ADAMTS19: variants seen among roughly 807,000 people sequenced by gnomAD.
ADAMTS19 encodes the protein ADAM metallopeptidase with thrombospondin type 1 motif 19.
In ADAMTS19, 93 loss-of-function variants were observed where a neutral mutation model predicts 153.3. The ratio of observed to expected loss-of-function variants is 0.61; its 90% CI spans 0.51 to 0.72. The LOEUF (loss-of-function observed/expected upper bound fraction) is 0.72. Ranked by LOEUF, ADAMTS19 falls within the 30% of genes least tolerant of loss-of-function variation. The pLI is 0.00. For synonymous variants in ADAMTS19, 600 were observed against 556.6 expected, an observed-to-expected ratio of 1.08 and a Z score of -1.10; for missense variants, 1,482 against 1,552.1, an observed-to-expected ratio of 0.95 and a Z score of 0.76.
At chr5:129,711,545 C>T (rs928398226) in intron 21 of ADAMTS19, among the ~76,000 whole-genome samples, 4 of 152,004 alleles carry the variant, frequency 2.6e-5, no homozygotes, top group Non-Finnish European at 4.4e-5. Flanking sequence ...GGCGTGGCAG[C>T]GGGTGCCTGT....
chr5:129,631,455 A>G (rs767082138), intron 10 of ADAMTS19, among the ~76,000 whole-genome samples: 9 of 151,982 alleles, frequency 5.9e-5, no homozygotes, highest in Non-Finnish European at 1.3e-4. Flanking sequence ...ATATCCTACT[A>G]TGACTGCAAT....
intron 2 of ADAMTS19, among the ~76,000 whole-genome samples, chr5:129,480,022 G>A (rs1750357262): frequency 6.6e-6 from 1 of 152,120 alleles, no homozygotes; most frequent in Admixed American, 6.6e-5. Context: ...CAAGAACAAA[G>A]TTGGAGAACT....
chr5:129,643,888 C>T (rs1205094442), intron 11 of ADAMTS19, among the ~76,000 whole-genome samples: 1 of 152,150 alleles, frequency 6.6e-6, no homozygotes, highest in Admixed American at 6.5e-5. Flanking sequence ...CACCAGCAAT[C>T]ATTTTTATCA....
chr5:129,581,239 T>C lies in ADAMTS19; in HGVS notation c.1373-15320T>C, dbSNP rs182937286. ...ATTTGCATTGAGGTATTTATAGTAT[T>C]CTTGGATGGTAGTTTGTATTTCTTG... On this transcript the variant is annotated intron_variant, in intron 7 of 22. Transcript: ENST00000274487. Among the ~76,000 whole-genome samples the C allele has an allele frequency of 2.3e-3, 343 of 152,122 alleles. 1 individual carries two copies. Among genetic ancestry groups the C allele is most frequent in the African/African-American group, 7.9e-3 (326 of 41,392 alleles).
chr5:129,678,234 TC>T (rs1377167418), intron 16 of ADAMTS19, among the ~76,000 whole-genome samples: 2 of 152,310 alleles, frequency 1.3e-5, no homozygotes, highest in East Asian at 3.9e-4. Flanking sequence ...CACATGGGTC[TC>T]CTGGTCCTGG....
intron 10 of ADAMTS19, among the ~76,000 whole-genome samples, chr5:129,634,678 G>A (rs1430607307): frequency 6.6e-6 from 1 of 152,026 alleles, no homozygotes; most frequent in East Asian, 1.9e-4. Context: ...ATGGCTCTGG[G>A]ATAACTTACT....
chr5:129,473,828 G>A (rs1420854304), intron 2 of ADAMTS19, among the ~76,000 whole-genome samples: 1 of 152,022 alleles, frequency 6.6e-6, no homozygotes, highest in Non-Finnish European at 1.5e-5. Flanking sequence ...GGATATGTCA[G>A]GCTGATTTTT....
At chr5:129,546,963 C>T (rs1037167050) in intron 6 of ADAMTS19, among the ~76,000 whole-genome samples, 1 of 150,840 alleles carries the variant, frequency 6.6e-6, no homozygotes, top group Non-Finnish European at 1.5e-5. Context: ...ATATTCTTGC[C>T]TTTTTCAGGA....
Position 129,709,147 on chromosome 5 carries a change from A to G in ADAMTS19, c.3312+4756A>G, listed in dbSNP as rs79916495. ...ACTAATTTTTTCCTAATGAATAAGC[A>G]AAATATACTTATCTAGATACCTGCT... On this transcript the variant is annotated intron_variant, in intron 21 of 22. Transcript: ENST00000274487. Among the ~76,000 whole-genome samples, 206 of 152,276 alleles carry G rather than the reference A, an allele frequency of 1.4e-3. 1 individual carries two copies. In the East Asian group the frequency reaches 0.023, roughly 17 times the overall value.
At chr5:129,585,024 G>A (rs779496434) in intron 7 of ADAMTS19, among the ~76,000 whole-genome samples, 18 of 152,166 alleles carry the variant, frequency 1.2e-4, no homozygotes, top group Non-Finnish European at 2.1e-4. Flanking sequence ...GGCCCTGGTG[G>A]TGCAGGCACC....
At chr5:129,651,549 T>C (rs1345771508) in intron 13 of ADAMTS19, among the ~76,000 whole-genome samples, 1 of 152,194 alleles carries the variant, frequency 6.6e-6, no homozygotes, top group Admixed American at 6.5e-5. Context: ...TTTTGGGCCT[T>C]TATACCAGCT....
intron 2 of ADAMTS19, among the ~76,000 whole-genome samples, chr5:129,488,183 C>T (rs1021239620): frequency 2.0e-5 from 3 of 151,718 alleles, no homozygotes; most frequent in Admixed American, 2.0e-4. Flanking sequence ...TTGTGCAGGG[C>T]TTTGTGAGAT....
chr5:129,714,608 T>C (rs1756639924), intron 21 of ADAMTS19, among the ~76,000 whole-genome samples: 1 of 152,048 alleles, frequency 6.6e-6, no homozygotes, highest in Admixed American at 6.6e-5. Context: ...GAAAGCTCCA[T>C]TTAAAGGGTG....
chr5:129,638,971 C>G lies in ADAMTS19; in HGVS notation c.1771-2888C>G, dbSNP rs141096056. On this transcript the variant is annotated intron_variant, in intron 10 of 22. Coordinates refer to ENST00000274487, the MANE Select transcript of ADAMTS19 (RefSeq NM_133638.6). The stretch of plus-strand genomic sequence containing the variant: ...TTAAAAACCTATTTGAGATAAACAT[C>G]CAAGTACATATTATATTCTTTTAAT... Among the ~76,000 whole-genome samples the G allele has an allele frequency of 4.7e-3, 719 of 152,170 alleles. 8 individuals are homozygous for G. The highest frequency in any genetic ancestry group is 0.016 in the African/African-American group (669 of 41,526).
intron 3 of ADAMTS19, among the ~76,000 whole-genome samples, chr5:129,511,846 C>T (rs1001851957): frequency 2.0e-5 from 3 of 151,932 alleles, no homozygotes; most frequent in African/African-American, 4.8e-5. Context: ...GATACTTCAA[C>T]CTCAAGACTG....
At chr5:129,601,036 A>G (rs937230828) in intron 8 of ADAMTS19, among the ~76,000 whole-genome samples, 2 of 151,950 alleles carry the variant, frequency 1.3e-5, no homozygotes, top group Non-Finnish European at 2.9e-5. Flanking sequence ...ACACCCGGCT[A>G]AATTTTTTTT....
chr5:129,464,519 C>T (rs908147874), intron 2 of ADAMTS19, among the ~76,000 whole-genome samples: 1 of 152,114 alleles, frequency 6.6e-6, no homozygotes, highest in African/African-American at 2.4e-5. Flanking sequence ...GGTACCTGAA[C>T]TTTTCAATAT....
intron 3 of ADAMTS19, among the ~76,000 whole-genome samples, chr5:129,523,571 A>C (rs1005347864): frequency 6.6e-6 from 1 of 152,198 alleles, no homozygotes; most frequent in Non-Finnish European, 1.5e-5. Context: ...TGGCTGCATA[A>C]TGTGACATGT....
intron 2 of ADAMTS19, among the ~76,000 whole-genome samples, chr5:129,465,344 G>A (rs377219245): frequency 2.1e-5 from 3 of 142,956 alleles, no homozygotes; most frequent in Non-Finnish European, 4.5e-5. Flanking sequence ...GCTTATAAGC[G>A]CTGGGCCAAA....
Sources: gnomAD v4.1 joint callset for allele counts (sites outside exome capture counted in the v4.1 genomes callset) on GRCh38, gnomAD v4.1.1 for gene constraint, MANE v1.5 for transcripts, NCBI Gene and HGNC (gene_info 2026-07-23, HGNC 2026-07-21) for gene names.